The following OPCML variants were observed in gnomAD, a reference collection of about 807,000 sequenced individuals.
OPCML encodes the protein opioid binding protein/cell adhesion molecule like.
A neutral mutation model predicts 37.8 loss-of-function variants in OPCML; 13 were observed. The ratio of observed to expected loss-of-function variants is 0.34; its 90% CI spans 0.22 to 0.55. OPCML has a LOEUF of 0.55. OPCML is among the 20% of genes least tolerant of loss of function. The pLI is 0.91. For missense variants in OPCML, 341 were observed against 435.6 expected, an observed-to-expected ratio of 0.78 and a Z score of 1.93; for synonymous variants, 176 against 168.8, an observed-to-expected ratio of 1.04 and a Z score of -0.33.
At chr11:133,036,434 G>A (rs1215745220) in intron 1 of OPCML, among the ~76,000 whole-genome samples, 1 of 152,206 alleles carries the variant, frequency 6.6e-6, no homozygotes, top group African/African-American at 2.4e-5. Flanking sequence ...ATGCCCACAT[G>A]CTATAATTAG....
At chr11:133,070,423 ATTTCATAATC>A (rs945761633) in intron 1 of OPCML, among the ~76,000 whole-genome samples, 1 of 152,106 alleles carries the variant, frequency 6.6e-6, no homozygotes, top group Non-Finnish European at 1.5e-5. Context: ...TAGGCTCAAG[ATTTCATAATC>A]TCTACCCAGC....
chr11:133,006,533 C>A (rs1000414572), intron 1 of OPCML: 1 of 985,292 alleles, frequency 1.0e-6, no homozygotes, highest in African/African-American at 1.7e-5. Context: ...CCAATTGTAA[C>A]TAATAACTCG....
chr11:132,979,913 G>A (rs1946547121), intron 1 of OPCML, among the ~76,000 whole-genome samples: 1 of 152,220 alleles, frequency 6.6e-6, no homozygotes, highest in African/African-American at 2.4e-5. Flanking sequence ...AGGGTGAAGA[G>A]TGTTGAAGCA....
At chr11:132,474,119 C>G (rs1296868839) in intron 4 of OPCML, among the ~76,000 whole-genome samples, 1 of 152,066 alleles carries the variant, frequency 6.6e-6, no homozygotes, top group Non-Finnish European at 1.5e-5. Flanking sequence ...CCTACATTTA[C>G]CAGCAGACAG....
intron 1 of OPCML, among the ~76,000 whole-genome samples, chr11:132,975,407 C>T (rs1565376663): frequency 5.3e-5 from 8 of 150,818 alleles, no homozygotes; most frequent in Admixed American, 1.3e-4. Flanking sequence ...AGTAGAAAGG[C>T]AATGAGGAAG....
intron 2 of OPCML, among the ~76,000 whole-genome samples, chr11:132,921,580 C>G (rs898838516): frequency 1.3e-5 from 2 of 152,202 alleles, no homozygotes; most frequent in African/African-American, 4.8e-5. Flanking sequence ...TGCCAGAAAC[C>G]CTCTTTCCAG....
intron 3 of OPCML, among the ~76,000 whole-genome samples, chr11:132,584,647 TG>T (rs2096468749): frequency 2.6e-5 from 4 of 152,316 alleles, no homozygotes; most frequent in Admixed American, 2.0e-4. Context: ...CTGGGCTCCC[TG>T]ATAAGAGTGA....
At chr11:133,131,370 G>T (rs916429388) in intron 1 of OPCML, among the ~76,000 whole-genome samples, 1 of 152,082 alleles carries the variant, frequency 6.6e-6, no homozygotes, top group Non-Finnish European at 1.5e-5. Context: ...AAGCAAAACA[G>T]CACAACTTCT....
chr11:133,087,411 T>C (rs1445109465), intron 1 of OPCML, among the ~76,000 whole-genome samples: 1 of 152,272 alleles, frequency 6.6e-6, no homozygotes, highest in Non-Finnish European at 1.5e-5. Flanking sequence ...TAGAACCTAA[T>C]AGGGGGTTCT....
intron 2 of OPCML, among the ~76,000 whole-genome samples, chr11:132,662,932 A>C (rs1299779801): frequency 6.6e-6 from 1 of 152,226 alleles, no homozygotes; most frequent in Non-Finnish European, 1.5e-5. Flanking sequence ...AAGAATTGAT[A>C]ATTGATATTT....
chr11:133,370,816 C>G (rs1944658806), intron 1 of OPCML, among the ~76,000 whole-genome samples: 1 of 152,050 alleles, frequency 6.6e-6, no homozygotes, highest in Non-Finnish European at 1.5e-5. Context: ...TGAAAATACA[C>G]CAATGGGACT....
chr11:132,820,562 AGCCCC>A (rs1293174665), intron 2 of OPCML, among the ~76,000 whole-genome samples: 1 of 152,116 alleles, frequency 6.6e-6, no homozygotes, highest in Non-Finnish European at 1.5e-5. Context: ...AAGTGCTGCA[AGCCCC>A]TTGGCCTTAC....
At chr11:132,694,971 T>G (rs1404732637) in intron 2 of OPCML, among the ~76,000 whole-genome samples, 3 of 152,150 alleles carry the variant, frequency 2.0e-5, no homozygotes, top group African/African-American at 7.2e-5. Context: ...CATAAAAAAT[T>G]ATTGCCTAGC....
At chr11:133,423,441 A>G in intron 1 of OPCML, 1 of 985,414 alleles carries the variant, frequency 1.0e-6, no homozygotes, top group African/African-American at 1.7e-5. Flanking sequence ...ATGCATCTGC[A>G]GGCAAATCAC....
intron 2 of OPCML, among the ~76,000 whole-genome samples, chr11:132,778,650 T>C (rs935720973): frequency 9.2e-5 from 14 of 152,188 alleles, no homozygotes; most frequent in African/African-American, 3.4e-4. Context: ...CACTGTAATT[T>C]TCTCTCTAGG....
intron 3 of OPCML, among the ~76,000 whole-genome samples, chr11:132,566,107 C>T (rs1242098518): frequency 6.6e-6 from 1 of 152,186 alleles, no homozygotes; most frequent in East Asian, 1.9e-4. Flanking sequence ...CCAATATTTA[C>T]AAAGCATGAT....
chr11:133,280,828 T>A (rs1942127100), intron 1 of OPCML, among the ~76,000 whole-genome samples: 1 of 152,172 alleles, frequency 6.6e-6, no homozygotes, highest in Non-Finnish European at 1.5e-5. Context: ...AAGTGAGGAC[T>A]TCTTGTGGCT....
chr11:132,822,025 CA>C (rs1291360977), intron 2 of OPCML, among the ~76,000 whole-genome samples: 1 of 152,330 alleles, frequency 6.6e-6, no homozygotes, highest in East Asian at 1.9e-4. Context: ...ATTATTAAAA[CA>C]CAGAATAAAC....
chr11:132,992,962 C>T (rs573841377), intron 1 of OPCML, among the ~76,000 whole-genome samples: 1 of 152,154 alleles, frequency 6.6e-6, no homozygotes, highest in Non-Finnish European at 1.5e-5. Context: ...CTTGCTCTTT[C>T]ATCTCCGTGT....
Sources: allele counts gnomAD v4.1 joint callset (sites outside exome capture counted in the v4.1 genomes callset), GRCh38; gene constraint gnomAD v4.1.1; transcripts MANE v1.5; gene names NCBI Gene and HGNC (gene_info 2026-07-23, HGNC 2026-07-21).